GRM3: variants seen among roughly 807,000 people sequenced by gnomAD.
GRM3 encodes the protein glutamate metabotropic receptor 3.
GRM3 carries 26 observed loss-of-function variants against 70.5 expected under a neutral mutation model. That is an observed-to-expected ratio of 0.37 (90% CI 0.27 to 0.51). The LOEUF (loss-of-function observed/expected upper bound fraction) is 0.51. Ranked by LOEUF, GRM3 falls within the 20% of genes least tolerant of loss-of-function variation. The pLI, the probability that GRM3 is intolerant of heterozygous loss-of-function variation, is 0.93. For missense variants in GRM3, 859 were observed against 1,123.8 expected, an observed-to-expected ratio of 0.76 and a Z score of 3.37; for synonymous variants, 443 against 434.9, an observed-to-expected ratio of 1.02 and a Z score of -0.23.
At chr7:86,758,328 CT>C (rs1278277165) in intron 1 of GRM3, among the ~76,000 whole-genome samples, 2 of 152,116 alleles carry the variant, frequency 1.3e-5, no homozygotes, top group Non-Finnish European at 2.9e-5. Flanking sequence ...AGAGAGAAAG[CT>C]TTTGAGAAAT....
At chr7:86,719,727 G>A (rs899118250) in intron 1 of GRM3, among the ~76,000 whole-genome samples, 1 of 151,892 alleles carries the variant, frequency 6.6e-6, no homozygotes, top group African/African-American at 2.4e-5. Flanking sequence ...GATGAGTGAA[G>A]CAAAAGAGAA....
chr7:86,714,726 G>A (rs942099413), intron 1 of GRM3, among the ~76,000 whole-genome samples: 14 of 152,064 alleles, frequency 9.2e-5, no homozygotes, highest in South Asian at 8.3e-4. Flanking sequence ...AAACAGTATA[G>A]GATAAGCATG....
intron 3 of GRM3, among the ~76,000 whole-genome samples, chr7:86,819,978 G>T (rs1342698803): frequency 6.6e-6 from 1 of 152,128 alleles, no homozygotes; most frequent in Non-Finnish European, 1.5e-5. Context: ...AAAAGCTTCT[G>T]TTCCCAGATG....
intron 1 of GRM3, among the ~76,000 whole-genome samples, chr7:86,708,050 G>A (rs1018253903): frequency 2.0e-5 from 3 of 152,044 alleles, no homozygotes; most frequent in African/African-American, 4.8e-5. Flanking sequence ...AATCGACTCC[G>A]GTACTAACAA....
At chr7:86,707,341 T>C (rs1173850838) in intron 1 of GRM3, among the ~76,000 whole-genome samples, 1 of 152,092 alleles carries the variant, frequency 6.6e-6, no homozygotes, top group Non-Finnish European at 1.5e-5. Context: ...TAAATCTTAG[T>C]GTTGTCCTCT....
At chr7:86,741,170 C>G (rs1421517517) in intron 1 of GRM3, among the ~76,000 whole-genome samples, 1 of 152,130 alleles carries the variant, frequency 6.6e-6, no homozygotes, top group East Asian at 1.9e-4. Flanking sequence ...TTGACCTCTA[C>G]TAACTCTAAT....
At chr7:86,847,833 G>C (rs1422019442) in intron 4 of GRM3, among the ~76,000 whole-genome samples, 6 of 152,158 alleles carry the variant, frequency 3.9e-5, no homozygotes, top group Non-Finnish European at 8.8e-5. Flanking sequence ...TGAAGGAACT[G>C]GATAACTGAA....
chr7:86,715,881 G>T (rs939603443), intron 1 of GRM3, among the ~76,000 whole-genome samples: 1 of 151,992 alleles, frequency 6.6e-6, no homozygotes, highest in Non-Finnish European at 1.5e-5. Flanking sequence ...TAAGGGTGGG[G>T]TAGAGTATGA....
At chr7:86,688,815 GAT>G (rs369715120) in intron 1 of GRM3, among the ~76,000 whole-genome samples, 6,029 of 141,430 alleles carry the variant, frequency 0.043, 368 homozygotes, top group African/African-American at 0.14. Flanking sequence ...TCACACATAT[GAT>G]ATATATATAT....
At chr7:86,829,619 A>G (rs1322099765) in intron 3 of GRM3, among the ~76,000 whole-genome samples, 1 of 152,132 alleles carries the variant, frequency 6.6e-6, no homozygotes, top group African/African-American at 2.4e-5. Context: ...GGTGATGGAG[A>G]GAGATAGGGG....
At chr7:86,691,337 C>T (rs1033382903) in intron 1 of GRM3, among the ~76,000 whole-genome samples, 4 of 152,102 alleles carry the variant, frequency 2.6e-5, no homozygotes, top group African/African-American at 7.2e-5. Flanking sequence ...CTCCATTAAG[C>T]AGCCAAAGTG....
intron 5 of GRM3, among the ~76,000 whole-genome samples, chr7:86,855,041 T>C (rs1333005551): frequency 6.6e-6 from 1 of 152,146 alleles, no homozygotes; most frequent in Non-Finnish European, 1.5e-5. Flanking sequence ...TCACAGACCT[T>C]GAAATCCTAA....
At chr7:86,749,640 T>A (rs1401748073) in intron 1 of GRM3, among the ~76,000 whole-genome samples, 2 of 152,000 alleles carry the variant, frequency 1.3e-5, no homozygotes, top group African/African-American at 4.8e-5. Context: ...AGAAAAGTTC[T>A]CCTGAAACTG....
chr7:86,702,591 C>G (rs1236140768), intron 1 of GRM3, among the ~76,000 whole-genome samples: 1 of 151,952 alleles, frequency 6.6e-6, no homozygotes, highest in Non-Finnish European at 1.5e-5. Context: ...CTAAAAGATC[C>G]AATTATGATT....
chr7:86,717,326 C>A (rs1205040716), intron 1 of GRM3, among the ~76,000 whole-genome samples: 3 of 151,956 alleles, frequency 2.0e-5, no homozygotes. Flanking sequence ...ATTGCTCCCT[C>A]TTACTTCCAT....
At chr7:86,848,157 C>T (rs1798692682) in intron 4 of GRM3, among the ~76,000 whole-genome samples, 1 of 152,122 alleles carries the variant, frequency 6.6e-6, no homozygotes, top group Non-Finnish European at 1.5e-5. Flanking sequence ...TAAGGTACTA[C>T]CATCATTTTC....
Position 86,707,045 on chromosome 7 carries a change from G to A in GRM3, c.-140-57961G>A, listed in dbSNP as rs890228897. On this transcript the variant is annotated intron_variant, in intron 1 of 5. Transcript: ENST00000361669. ...CTTCCCTAGAATACTAAATTAGACC[G>A]ATAGCAAGAGTAGCTAAAAACAGAA... 2.6e-5 allele frequency among the ~76,000 whole-genome samples: 4 copies of A among 151,964 alleles called. No individual in the cohort carries two copies. In the East Asian group the frequency reaches 5.8e-4, roughly 22 times the overall value.
At chr7:86,686,641 A>T (rs1343865499) in intron 1 of GRM3, among the ~76,000 whole-genome samples, 1 of 152,198 alleles carries the variant, frequency 6.6e-6, no homozygotes, top group Non-Finnish European at 1.5e-5. Context: ...ACCAACTAAA[A>T]GATCAAGATA....
intron 1 of GRM3, among the ~76,000 whole-genome samples, chr7:86,735,358 C>CA (rs112777102): frequency 0.012 from 1,821 of 150,948 alleles, 31 homozygotes; most frequent in African/African-American, 0.041. Context: ...TGAAGTCAGA[C>CA]AAAAAAAAAT....
Sources: allele counts gnomAD v4.1 joint callset (sites outside exome capture counted in the v4.1 genomes callset), GRCh38; gene constraint gnomAD v4.1.1; transcripts MANE v1.5; gene names NCBI Gene and HGNC (gene_info 2026-07-23, HGNC 2026-07-21).